The following GPC3 variants were observed in gnomAD, a reference collection of about 807,000 sequenced individuals.
The protein encoded by GPC3 is glypican-3.
GPC3 carries 3 observed loss-of-function variants against 34.4 expected under a neutral mutation model. The observed-to-expected ratio is 0.09, with a 90% CI of 0.04 to 0.23. GPC3 has a LOEUF of 0.23. Among genes scored for constraint, GPC3 ranks in the 10% least tolerant of loss-of-function variants. The pLI is 1.00. For missense variants in GPC3, 351 were observed against 445.6 expected, an observed-to-expected ratio of 0.79 and a Z score of 1.91; for synonymous variants, 177 against 174.0, an observed-to-expected ratio of 1.02 and a Z score of -0.13.
intron 6 of GPC3, among the ~76,000 whole-genome samples, chrX:133,646,729 A>AT (rs1480210880): frequency 4.5e-5 from 5 of 112,168 alleles, no homozygotes; most frequent in African/African-American, 1.6e-4. Flanking sequence ...GCTCAATACT[A>AT]TATTTTATAG....
chrX:133,921,686 A>AT (rs1453389632), intron 2 of GPC3, among the ~76,000 whole-genome samples: 2 of 111,907 alleles, frequency 1.8e-5, no homozygotes, highest in African/African-American at 3.2e-5. Flanking sequence ...TTGAGCCTTG[A>AT]TTTTTTCAAC....
intron 2 of GPC3, among the ~76,000 whole-genome samples, chrX:133,817,009 T>C (rs781077148): frequency 7.1e-5 from 8 of 112,017 alleles, no homozygotes; most frequent in Non-Finnish European, 1.1e-4. Context: ...ATTGCACAGT[T>C]TCCATTGTAC....
intron 1 of GPC3, among the ~76,000 whole-genome samples, chrX:133,978,539 G>A (rs998627284): frequency 1.8e-5 from 2 of 111,395 alleles, no homozygotes; most frequent in African/African-American, 6.5e-5. Context: ...TTATAGTATA[G>A]CCAAATGAAT....
At chrX:133,952,427 G>T (rs765517066) in intron 2 of GPC3, among the ~76,000 whole-genome samples, 1 of 112,033 alleles carries the variant, frequency 8.9e-6, no homozygotes, top group South Asian at 3.8e-4. Flanking sequence ...TCCTAGCTGG[G>T]TGTTAGAATT....
chrX:133,637,331 C>T (rs1274798298), intron 6 of GPC3, among the ~76,000 whole-genome samples: 2 of 109,994 alleles, frequency 1.8e-5, no homozygotes, highest in Non-Finnish European at 3.8e-5. Flanking sequence ...AGCCGGAAAT[C>T]GCTTGAACCC....
chrX:133,616,735 T>C (rs1417329204), intron 6 of GPC3, among the ~76,000 whole-genome samples: 3 of 105,102 alleles, frequency 2.9e-5, no homozygotes, highest in African/African-American at 1.1e-4. Flanking sequence ...TCTCACTCTG[T>C]CGCCCAGGCT....
intron 2 of GPC3, among the ~76,000 whole-genome samples, chrX:133,758,776 G>T (rs1016512671): frequency 9.9e-5 from 11 of 111,050 alleles, no homozygotes; most frequent in Non-Finnish European, 3.8e-5. Flanking sequence ...GCCTAAATAA[G>T]AAAAATCATA....
At chrX:133,679,844 C>T (rs1181755288) in intron 5 of GPC3, among the ~76,000 whole-genome samples, 1 of 110,167 alleles carries the variant, frequency 9.1e-6, no homozygotes, top group African/African-American at 3.3e-5. Context: ...TTGGTAGAGA[C>T]GGGGTTTCGA....
intron 7 of GPC3, among the ~76,000 whole-genome samples, chrX:133,586,658 CTA>C (rs1458956060): frequency 8.9e-6 from 1 of 111,775 alleles, no homozygotes; most frequent in Non-Finnish European, 1.9e-5. Flanking sequence ...ATTGTTGTGA[CTA>C]TGTGGTTATT....
chrX:133,923,595 A>G (rs1756135253), intron 2 of GPC3, among the ~76,000 whole-genome samples: 1 of 111,956 alleles, frequency 8.9e-6, no homozygotes, highest in Non-Finnish European at 1.9e-5. Context: ...AAACTGGAAG[A>G]ACCTCTAAGA....
chrX:133,603,951 C>T (rs1296244966), intron 6 of GPC3, among the ~76,000 whole-genome samples: 1 of 111,404 alleles, frequency 9.0e-6, no homozygotes, highest in Non-Finnish European at 1.9e-5. Flanking sequence ...GTGAGAGCAG[C>T]AAGTCTTGAT....
intron 2 of GPC3, among the ~76,000 whole-genome samples, chrX:133,848,583 C>G (rs1012376818): frequency 1.3e-4 from 15 of 112,156 alleles, no homozygotes; most frequent in African/African-American, 4.9e-4. Context: ...GACAACAAAT[C>G]TAGCATTTCT....
At chrX:133,772,409 C>G (rs966963428) in intron 2 of GPC3, among the ~76,000 whole-genome samples, 1 of 111,112 alleles carries the variant, frequency 9.0e-6, no homozygotes, top group African/African-American at 3.3e-5. Flanking sequence ...GGTCTGCTCC[C>G]GACAAACAAC....
At chrX:133,845,223 C>T (rs755279941) in intron 2 of GPC3, among the ~76,000 whole-genome samples, 13 of 111,457 alleles carry the variant, frequency 1.2e-4, no homozygotes, top group African/African-American at 2.0e-4. Context: ...CTGAAAACTG[C>T]GAGGAATCAG....
intron 2 of GPC3, among the ~76,000 whole-genome samples, chrX:133,831,800 T>C (rs1352493405): frequency 8.9e-6 from 1 of 112,739 alleles, no homozygotes; most frequent in East Asian, 2.8e-4. Context: ...ACAGACACTT[T>C]GCCAAAGAGG....
At chrX:133,928,709 A>T (rs190853752) in intron 2 of GPC3, among the ~76,000 whole-genome samples, 1 of 111,827 alleles carries the variant, frequency 8.9e-6, no homozygotes, top group Admixed American at 9.5e-5. Context: ...TTTTTCAGGT[A>T]CCTGTTGGCT....
chrX:133,979,103 T>C (rs758683551), intron 1 of GPC3, among the ~76,000 whole-genome samples: 125 of 112,480 alleles, frequency 1.1e-3, no homozygotes, highest in African/African-American at 3.6e-3. Flanking sequence ...TGGAAGTTTC[T>C]TTTATAACAG....
chrX:133,708,854 TG>T (rs1489028201), intron 3 of GPC3, among the ~76,000 whole-genome samples: 4 of 112,250 alleles, frequency 3.6e-5, no homozygotes, highest in Non-Finnish European at 7.5e-5. Flanking sequence ...ATAATGTGTA[TG>T]CTCTGTTTAT....
intron 5 of GPC3, among the ~76,000 whole-genome samples, chrX:133,686,021 C>A (rs777899111): frequency 1.8e-5 from 2 of 111,940 alleles, no homozygotes; most frequent in East Asian, 5.6e-4. Flanking sequence ...ATTAGCAGCT[C>A]CAGCTGAATC....
Sources: allele counts gnomAD v4.1 joint callset (sites outside exome capture counted in the v4.1 genomes callset), GRCh38; gene constraint gnomAD v4.1.1; transcripts MANE v1.5; gene names NCBI Gene and HGNC (gene_info 2026-07-23, HGNC 2026-07-21).